The following MAPK10 variants were observed in gnomAD, a reference collection of about 807,000 sequenced individuals.
MAPK10 encodes JNK3 alpha protein kinase.
In MAPK10, 25 loss-of-function variants were observed where a neutral mutation model predicts 59.3. The observed-to-expected ratio is 0.42, with a 90% CI of 0.31 to 0.59. MAPK10 has a LOEUF of 0.59. MAPK10 is among the 20% of genes least tolerant of loss of function. The pLI, the probability that MAPK10 is intolerant of heterozygous loss-of-function variation, is 0.15. For missense variants in MAPK10, 351 were observed against 568.9 expected (o/e 0.62, Z 3.90); for synonymous variants, 190 against 200.5 (o/e 0.95, Z 0.44).
intron 1 of MAPK10, among the ~76,000 whole-genome samples, chr4:86,527,312 CAAAAAAA>C (rs57390422): frequency 3.5e-3 from 57 of 16,190 alleles, no homozygotes; most frequent in African/African-American, 8.3e-3. Flanking sequence ...ACACTGTTGC[CAAAAAAA>C]AAAAAAAAAA....
chr4:86,090,759 T>C (rs1389076236), intron 9 of MAPK10: 1 of 152,176 alleles, frequency 6.6e-6, no homozygotes, highest in Non-Finnish European at 1.5e-5. Context: ...TTTATAGATA[T>C]TGTGGAAGAG....
chr4:86,119,582 A>AC (rs2058888497), intron 4 of MAPK10: 1 of 136,756 alleles, frequency 7.3e-6, no homozygotes, highest in Non-Finnish European at 1.6e-5. Context: ...AGACTCCATC[A>AC]CAAAAAAAAA....
chr4:86,211,038 GA>G (rs1178393177), intron 2 of MAPK10, among the ~76,000 whole-genome samples: 1 of 151,580 alleles, frequency 6.6e-6, no homozygotes, highest in African/African-American at 2.4e-5. Context: ...TATTAATTAT[GA>G]AGAACAGAAA....
Position 86,012,731 on chromosome 4 carries a change from T to G in MAPK10, c.*4497A>C, listed in dbSNP as rs1326881146. Reference sequence around the variant, plus strand: ...ATTAAGCATCACTGAGGTTGCATTTTACCCATTAGACTGACTGAATTTAGT... The same window carrying G: ...ATTAAGCATCACTGAGGTTGCATTTGACCCATTAGACTGACTGAATTTAGT... On this transcript the variant is annotated 3_prime_UTR_variant, in exon 14 of 14. Transcript: ENST00000641462. 2 of 152,248 alleles carry G rather than the reference T, an allele frequency of 1.3e-5. No individual in the cohort carries two copies. The highest frequency in any genetic ancestry group is 2.9e-5 in the Non-Finnish European group (2 of 68,046). The allele number at this position is 152,248 out of a possible 1,614,324, so 9.4% of individuals were successfully genotyped here. A position where few individuals can be genotyped will look rare whatever the true frequency, so the allele number is the denominator to read the frequency against.
chr4:86,260,808 A>G (rs2093954848), intron 2 of MAPK10, among the ~76,000 whole-genome samples: 1 of 152,150 alleles, frequency 6.6e-6, no homozygotes, highest in South Asian at 2.1e-4. Flanking sequence ...TATAATATGA[A>G]TTATAGTTAC....
chr4:86,034,216 T>C (rs1265247073), intron 11 of MAPK10, among the ~76,000 whole-genome samples: 1 of 152,226 alleles, frequency 6.6e-6, no homozygotes, highest in Non-Finnish European at 1.5e-5. Flanking sequence ...CCTGTGACTT[T>C]CACCCTTTGA....
At chr4:86,412,727 T>C (rs534992930) in intron 1 of MAPK10, among the ~76,000 whole-genome samples, 1 of 152,348 alleles carries the variant, frequency 6.6e-6, no homozygotes, top group African/African-American at 2.4e-5. Flanking sequence ...CACAAAGTTC[T>C]CGTGCTGTGG....
chr4:86,122,133 T>G lies in MAPK10; in HGVS notation c.237-14781A>C, dbSNP rs141753672. On this transcript the variant is annotated intron_variant, in intron 4 of 13. Transcript: ENST00000641462. The stretch of plus-strand genomic sequence containing the variant: ...AGATTAGAAAATAAAAAAAGTCAGA[T>G]AGAGCCAAGTGAGGACTGTAAGGTG... Among the ~76,000 whole-genome samples, 212 of 152,230 alleles carry G rather than the reference T, an allele frequency of 1.4e-3. 1 individual carries two copies. The highest frequency in any genetic ancestry group is 2.4e-3 in the Non-Finnish European group (166 of 67,982).
At chr4:86,346,434 G>C (rs1221133970) in intron 2 of MAPK10, among the ~76,000 whole-genome samples, 3 of 152,100 alleles carry the variant, frequency 2.0e-5, no homozygotes, top group Non-Finnish European at 2.9e-5. Flanking sequence ...TTTATAACAA[G>C]AGAAAAATGT....
At chr4:86,322,095 C>A (rs537647428) in intron 2 of MAPK10, 1 of 152,270 alleles carries the variant, frequency 6.6e-6, no homozygotes, top group East Asian at 1.9e-4. Context: ...TCCATTAAAT[C>A]ATATGTCTTA....
intron 4 of MAPK10, chr4:86,124,139 G>A (rs1294750633): frequency 8.6e-5 from 13 of 151,924 alleles, no homozygotes; most frequent in Middle Eastern, 3.4e-3. Flanking sequence ...AATTTTTGCT[G>A]AACATAATTA....
At chr4:86,026,183 T>A (rs1750109852) in intron 13 of MAPK10, among the ~76,000 whole-genome samples, 1 of 152,188 alleles carries the variant, frequency 6.6e-6, no homozygotes, top group African/African-American at 2.4e-5. Flanking sequence ...TCTTAGTGAG[T>A]CACTGTTAGT....
intron 11 of MAPK10, among the ~76,000 whole-genome samples, chr4:86,038,154 G>C (rs1376845938): frequency 6.6e-6 from 1 of 152,218 alleles, no homozygotes; most frequent in Non-Finnish European, 1.5e-5. Flanking sequence ...GCCCTGAACT[G>C]ACATTTTTCC....
chr4:86,431,127 G>GA (rs1747991759), intron 1 of MAPK10, among the ~76,000 whole-genome samples: 1 of 151,952 alleles, frequency 6.6e-6, no homozygotes, highest in Admixed American at 6.6e-5. Context: ...AAAGAAAAAA[G>GA]AAAAGGAAGA....
Position 86,397,335 on chromosome 4 carries a change from TC to T in MAPK10, c.-121-42692del, listed in dbSNP as rs201038036. 9.7e-3 allele frequency among the ~76,000 whole-genome samples: 1,480 copies of T among 152,246 alleles called. 18 individuals carry two copies. Among genetic ancestry groups the T allele is most frequent in the African/African-American group, 0.034 (1,404 of 41,534 alleles). On this transcript the variant is annotated intron_variant, in intron 1 of 13. Coordinates refer to the MAPK10 transcript ENST00000361569. Reference sequence around the variant, plus strand: ...TTATATTGTTACCTTTATCAATTTCTCCTTCAAGTGTGTTACAGATAGATGG... The same window carrying T: ...TTATATTGTTACCTTTATCAATTTCTCTTCAAGTGTGTTACAGATAGATGG...
intron 2 of MAPK10, among the ~76,000 whole-genome samples, chr4:86,259,399 C>T (rs17011630): frequency 0.016 from 2,417 of 152,232 alleles, 79 homozygotes; most frequent in African/African-American, 0.055. Context: ...CATAGCCTTT[C>T]ACTCACATGA....
chr4:86,356,989 C>T (rs770578845), intron 1 of MAPK10: 7 of 152,182 alleles, frequency 4.6e-5, no homozygotes, highest in Non-Finnish European at 7.3e-5. Flanking sequence ...CTTGTCACTA[C>T]TGGACACTTC....
At chr4:86,135,388 G>A (rs1395389463) in intron 4 of MAPK10, among the ~76,000 whole-genome samples, 2 of 152,184 alleles carry the variant, frequency 1.3e-5, no homozygotes, top group East Asian at 3.9e-4. Flanking sequence ...CCTGACCCCC[G>A]AGCAGCCTAA....
At chr4:86,303,132 C>T (rs1224283611) in intron 2 of MAPK10, among the ~76,000 whole-genome samples, 5 of 152,134 alleles carry the variant, frequency 3.3e-5, no homozygotes, top group East Asian at 1.9e-4. Context: ...AGCCATAGTG[C>T]GAGCCTCTAA....
Sources: allele counts gnomAD v4.1 joint callset (sites outside exome capture counted in the v4.1 genomes callset), GRCh38; gene constraint gnomAD v4.1.1; transcripts MANE v1.5; gene names NCBI Gene and HGNC (gene_info 2026-07-23, HGNC 2026-07-21).